The following CIMIP2C variants were observed in gnomAD, a reference collection of about 807,000 sequenced individuals.
CIMIP2C encodes UPF0573 protein C2orf70.
chr2:26,569,331 A>G, the CIMIP2C span, among the ~76,000 whole-genome samples: 1 of 152,174 alleles, frequency 6.6e-6, no homozygotes, highest in African/African-American at 2.4e-5. Flanking sequence ...CTGTGATGAC[A>G]GTGGATGATG....
At chr2:26,562,702 C>A in the CIMIP2C span, 1 of 1,555,868 alleles carries the variant, frequency 6.4e-7, no homozygotes, top group Non-Finnish European at 8.7e-7. Flanking sequence ...GCCGAGGGAG[C>A]GCCTCCTCCC....
chr2:26,568,890 G>A, the CIMIP2C span, among the ~76,000 whole-genome samples: 17 of 151,924 alleles, frequency 1.1e-4, no homozygotes, highest in African/African-American at 2.2e-4. Flanking sequence ...GCATAGTGGC[G>A]GGCACCTGTA....
the CIMIP2C span, among the ~76,000 whole-genome samples, chr2:26,569,723 A>T: frequency 6.6e-6 from 1 of 152,116 alleles, no homozygotes; most frequent in Non-Finnish European, 1.5e-5. Context: ...GGCTTGGCAC[A>T]GTCTCCTGGC....
At chr2:26,566,996 A>G in the CIMIP2C span, among the ~76,000 whole-genome samples, 4 of 152,362 alleles carry the variant, frequency 2.6e-5, no homozygotes, top group African/African-American at 7.2e-5. Context: ...AGAAGCCAAC[A>G]TGCCTGGCCT....
the CIMIP2C span, among the ~76,000 whole-genome samples, chr2:26,574,486 T>C: frequency 1.9e-5 from 2 of 107,726 alleles, no homozygotes; most frequent in Non-Finnish European, 3.8e-5. Flanking sequence ...TCAGGGAAGG[T>C]GGGGGTGGGA....
At chr2:26,578,051 C>T in the CIMIP2C span, 366 of 170,710 alleles carry the variant, frequency 2.1e-3, no homozygotes, top group African/African-American at 8.5e-3. Context: ...TCCCCCGGTC[C>T]CGTTCACATT....
the CIMIP2C span, among the ~76,000 whole-genome samples, chr2:26,574,087 GGAAAGACCC>G: frequency 6.6e-6 from 1 of 152,254 alleles, no homozygotes; most frequent in African/African-American, 2.4e-5. Flanking sequence ...CAAGGCACAG[GGAAAGACCC>G]CAGAAGAGGT....
chr2:26,572,284 T>C, the CIMIP2C span: 1 of 854,270 alleles, frequency 1.2e-6, no homozygotes, highest in Non-Finnish European at 1.7e-6. Flanking sequence ...TTCCTGGTTC[T>C]GCACTTCAAT....
chr2:26,578,888 C>T, the CIMIP2C span: 25 of 472,496 alleles, frequency 5.3e-5, no homozygotes, highest in African/African-American at 3.6e-4. Flanking sequence ...CCCTCCCTCC[C>T]GGAATCCCCT....
chr2:26,565,088 C>T, the CIMIP2C span, among the ~76,000 whole-genome samples: 1 of 151,038 alleles, frequency 6.6e-6, no homozygotes, highest in African/African-American at 2.4e-5. Flanking sequence ...CTTCCCCTTC[C>T]CCTACCCCTT....
the CIMIP2C span, chr2:26,578,083 CT>C: frequency 3.1e-5 from 5 of 161,708 alleles, no homozygotes; most frequent in South Asian, 9.3e-4. Context: ...CTCCTAAGGA[CT>C]TTCTGTCCAT....
At chr2:26,577,002 G>T in the CIMIP2C span, among the ~76,000 whole-genome samples, 2 of 152,370 alleles carry the variant, frequency 1.3e-5, no homozygotes, top group East Asian at 3.9e-4. Flanking sequence ...CCAGGGCAGA[G>T]AACTTGTATG....
the CIMIP2C span, among the ~76,000 whole-genome samples, chr2:26,568,285 G>T: frequency 5.3e-5 from 8 of 152,118 alleles, no homozygotes; most frequent in Non-Finnish European, 1.0e-4. Context: ...GGAGCCTCTG[G>T]CCACTCACCT....
At chr2:26,573,205 A>T in the CIMIP2C span, among the ~76,000 whole-genome samples, 1 of 152,102 alleles carries the variant, frequency 6.6e-6, no homozygotes, top group Non-Finnish European at 1.5e-5. Context: ...GAGTTGAGAA[A>T]TCAGGCAGAA....
chr2:26,562,832 A>T, the CIMIP2C span: 1 of 722,898 alleles, frequency 1.4e-6, no homozygotes, highest in South Asian at 1.7e-5. Context: ...GGGCCTTCCT[A>T]GAGGTTTGTG....
the CIMIP2C span, among the ~76,000 whole-genome samples, chr2:26,569,705 A>G: frequency 1.3e-5 from 2 of 152,100 alleles, no homozygotes; most frequent in Admixed American, 6.5e-5. Context: ...ACCATTGCCC[A>G]GGGGTCCGGC....
At chr2:26,572,288 C>A in the CIMIP2C span, 2 of 826,240 alleles carry the variant, frequency 2.4e-6, no homozygotes, top group Non-Finnish European at 3.5e-6. Context: ...TGGTTCTGCA[C>A]TTCAATAGAT....
chr2:26,576,889 G>A, the CIMIP2C span, among the ~76,000 whole-genome samples: 1 of 152,238 alleles, frequency 6.6e-6, no homozygotes, highest in Non-Finnish European at 1.5e-5. Context: ...GCAGGGATAA[G>A]GGTTCATTCT....
the CIMIP2C span, chr2:26,579,286 A>C: frequency 7.4e-6 from 12 of 1,613,216 alleles, no homozygotes; most frequent in East Asian, 2.7e-4. Context: ...TCCCATCCTC[A>C]CCCCTAGGCC....
Sources: gnomAD v4.1 joint callset for allele counts (sites outside exome capture counted in the v4.1 genomes callset) on GRCh38, gnomAD v4.1.1 for gene constraint, MANE v1.5 for transcripts, NCBI Gene and HGNC (gene_info 2026-07-23, HGNC 2026-07-21) for gene names.